The following SGMS1 variants were observed in gnomAD, a reference collection of about 807,000 sequenced individuals.
SGMS1 encodes phosphatidylcholine:ceramide cholinephosphotransferase 1.
A neutral mutation model predicts 46.2 loss-of-function variants in SGMS1; 13 were observed. The ratio of observed to expected loss-of-function variants is 0.28; its 90% confidence interval spans 0.18 to 0.45. The LOEUF (loss-of-function observed/expected upper bound fraction) is 0.45, where lower values mean the gene tolerates loss of function less well. SGMS1 is among the 20% of genes least tolerant of loss of function. SGMS1 has a pLI of 1.00. For synonymous variants in SGMS1, 203 were observed against 187.8 expected, an observed-to-expected ratio of 1.08 and a Z score of -0.66; for missense variants, 324 against 519.9, an observed-to-expected ratio of 0.62 and a Z score of 3.66.
intron 2 of SGMS1, among the ~76,000 whole-genome samples, chr10:50,539,518 T>C (rs1347048793): frequency 6.6e-6 from 1 of 152,230 alleles, no homozygotes; most frequent in African/African-American, 2.4e-5. Context: ...ACACTAAGTA[T>C]TATATGGGAC....
chr10:50,332,771 G>C (rs1478280547), intron 7 of SGMS1, among the ~76,000 whole-genome samples: 1 of 151,622 alleles, frequency 6.6e-6, no homozygotes, highest in East Asian at 1.9e-4. Flanking sequence ...CACAGGTGCA[G>C]GCCACCATGG....
chr10:50,376,385 A>C (rs369291995), intron 6 of SGMS1, among the ~76,000 whole-genome samples: 2 of 152,202 alleles, frequency 1.3e-5, no homozygotes, highest in South Asian at 4.1e-4. Flanking sequence ...GCTGAGTTAG[A>C]TAGGGCAACT....
intron 5 of SGMS1, among the ~76,000 whole-genome samples, chr10:50,438,771 A>G (rs1849505969): frequency 6.6e-6 from 1 of 152,212 alleles, no homozygotes; most frequent in South Asian, 2.1e-4. Context: ...TTCTGCCTCT[A>G]CATTAGCACA....
intron 2 of SGMS1, among the ~76,000 whole-genome samples, chr10:50,573,448 T>G (rs1208229000): frequency 6.6e-6 from 1 of 152,068 alleles, no homozygotes; most frequent in East Asian, 1.9e-4. Flanking sequence ...TAGCACCAAA[T>G]AGAATAAAAT....
intron 6 of SGMS1, among the ~76,000 whole-genome samples, chr10:50,366,622 T>C (rs1848350237): frequency 6.6e-6 from 1 of 152,036 alleles, no homozygotes; most frequent in African/African-American, 2.4e-5. Flanking sequence ...TATGCAGCCA[T>C]AAAAAAGGAT....
intron 1 of SGMS1, among the ~76,000 whole-genome samples, chr10:50,595,606 GGTGGAGACACCACT>G: frequency 6.6e-6 from 1 of 152,178 alleles, no homozygotes; most frequent in South Asian, 2.1e-4. Context: ...AAAATAAAAT[GGTGGAGACACCACT>G]TGAACCTATT....
intron 2 of SGMS1, among the ~76,000 whole-genome samples, chr10:50,562,765 T>C (rs565436605): frequency 3.7e-4 from 57 of 152,236 alleles, no homozygotes; most frequent in East Asian, 7.8e-4. Flanking sequence ...AGGATGGTCT[T>C]GATCTCCTGA....
intron 2 of SGMS1, among the ~76,000 whole-genome samples, chr10:50,583,417 C>T (rs932776414): frequency 6.6e-6 from 1 of 152,190 alleles, no homozygotes; most frequent in Non-Finnish European, 1.5e-5. Flanking sequence ...TCAGTTCATG[C>T]TTCACCTTCT....
chr10:50,613,908 T>C (rs1019551201), intron 1 of SGMS1, among the ~76,000 whole-genome samples: 2 of 152,196 alleles, frequency 1.3e-5, no homozygotes, highest in Non-Finnish European at 2.9e-5. Context: ...TTGGTACACA[T>C]TGTAGCTATG....
intron 3 of SGMS1, among the ~76,000 whole-genome samples, chr10:50,509,572 A>G (rs937079159): frequency 6.6e-5 from 10 of 152,220 alleles, no homozygotes; most frequent in Admixed American, 5.9e-4. Flanking sequence ...GAGGTGATAG[A>G]GTGAAATTTG....
intron 5 of SGMS1, among the ~76,000 whole-genome samples, chr10:50,434,000 C>T (rs1299077198): frequency 6.6e-6 from 1 of 152,188 alleles, no homozygotes. Flanking sequence ...CAACAAAGGC[C>T]TCCCTCCAGT....
At chr10:50,577,599 C>G (rs896377623) in intron 2 of SGMS1, among the ~76,000 whole-genome samples, 7 of 152,156 alleles carry the variant, frequency 4.6e-5, no homozygotes, top group African/African-American at 1.4e-4. Context: ...AAAAATTACC[C>G]CTAGATTGTT....
chr10:50,556,547 C>T (rs1838190690), intron 2 of SGMS1, among the ~76,000 whole-genome samples: 1 of 152,096 alleles, frequency 6.6e-6, no homozygotes, highest in African/African-American at 2.4e-5. Flanking sequence ...CCAGGTGTAT[C>T]TCAGGAGAGC....
intron 2 of SGMS1, among the ~76,000 whole-genome samples, chr10:50,569,299 T>TAAAAAAAAAAA (rs72066798): frequency 7.7e-6 from 1 of 130,526 alleles, no homozygotes; most frequent in Non-Finnish European, 1.6e-5. Context: ...CTTAAAGTAT[T>TAAAAAAAAAAA]AAAAAAAAAA....
rs192927680 is a variant in SGMS1, at chr10:50,467,122, C to T, written c.-497-190G>A. On this transcript the variant is annotated intron_variant, in intron 3 of 10. Transcript: ENST00000361781. Reference sequence around the variant, plus strand: ...GTATTCAGAGTACACTTCTATTAGACAACGCCAAGCAGAAACAAGCATGCA... The same window carrying T: ...GTATTCAGAGTACACTTCTATTAGATAACGCCAAGCAGAAACAAGCATGCA... 9.3e-4 allele frequency among the ~76,000 whole-genome samples: 141 copies of T among 151,974 alleles called. 1 individual carries two copies. Among genetic ancestry groups the T allele is most frequent in the African/African-American group, 3.3e-3 (138 of 41,490 alleles).
chr10:50,367,136 A>G (rs1410572071), intron 6 of SGMS1, among the ~76,000 whole-genome samples: 1 of 152,182 alleles, frequency 6.6e-6, no homozygotes, highest in East Asian at 1.9e-4. Flanking sequence ...TCCACTGAGG[A>G]TTATAAATTC....
At chr10:50,575,163 A>G (rs796781174) in intron 2 of SGMS1, among the ~76,000 whole-genome samples, 1 of 152,036 alleles carries the variant, frequency 6.6e-6, no homozygotes, top group African/African-American at 2.4e-5. Context: ...GAAGTTACAT[A>G]CAAAACAAAA....
rs1057405955 is a variant in SGMS1, at chr10:50,476,687, T to C, written c.-497-9755A>G. Among the ~76,000 whole-genome samples, 15 of 152,288 alleles carry C rather than the reference T, an allele frequency of 9.8e-5. No homozygotes were observed. The East Asian group carries it at 1.9e-3, about 20-fold the overall frequency. ...GGCCAGGCCTAGGACACCACTGCGC[T>C]GGGCAGCATCAGGTCATGGCTCCTT... On this transcript the variant is annotated intron_variant, in intron 3 of 10. Coordinates refer to ENST00000361781, the MANE Select transcript of SGMS1 (RefSeq NM_147156.4).
chr10:50,455,754 T>C (rs1413053219), intron 5 of SGMS1, among the ~76,000 whole-genome samples: 1 of 152,200 alleles, frequency 6.6e-6, no homozygotes, highest in African/African-American at 2.4e-5. Context: ...CTGAATTTCA[T>C]ACACCACATC....
Sources: gnomAD v4.1 joint callset for allele counts (sites outside exome capture counted in the v4.1 genomes callset) on GRCh38, gnomAD v4.1.1 for gene constraint, MANE v1.5 for transcripts, NCBI Gene and HGNC (gene_info 2026-07-23, HGNC 2026-07-21) for gene names.